The following FGF14 variants were observed in gnomAD, a reference collection of about 807,000 sequenced individuals.
The protein encoded by FGF14 is fibroblast growth factor 14.
A neutral mutation model predicts 25.5 loss-of-function variants in FGF14; 5 were observed. The ratio of observed to expected loss-of-function variants is 0.20; its 90% CI spans 0.10 to 0.41. The LOEUF (loss-of-function observed/expected upper bound fraction) is 0.41. FGF14 is among the 10% of genes least tolerant of loss of function. The pLI is 1.00. For missense variants in FGF14, 222 were observed against 320.1 expected (o/e 0.69, Z 2.34); for synonymous variants, 138 against 118.3 (o/e 1.17, Z -1.08).
intron 1 of FGF14, among the ~76,000 whole-genome samples, chr13:102,001,640 G>C (rs9805531): frequency 0.075 from 11,400 of 152,134 alleles, 1,406 homozygotes; most frequent in African/African-American, 0.26. Flanking sequence ...TACATTATAT[G>C]GTAGTACCTT....
At chr13:102,125,044 T>C (rs1316322632) in intron 1 of FGF14, among the ~76,000 whole-genome samples, 1 of 152,142 alleles carries the variant, frequency 6.6e-6, no homozygotes, top group African/African-American at 2.4e-5. Context: ...AACCATATGG[T>C]TTCACAACAC....
At chr13:102,028,706 G>GT (rs528936275) in intron 1 of FGF14, among the ~76,000 whole-genome samples, 6,965 of 151,730 alleles carry the variant, frequency 0.046, 236 homozygotes, top group Middle Eastern at 0.078. Flanking sequence ...GGGAATATGG[G>GT]GTTTTTTTTG....
intron 1 of FGF14, among the ~76,000 whole-genome samples, chr13:102,029,232 T>C (rs549477777): frequency 5.9e-5 from 9 of 152,222 alleles, no homozygotes; most frequent in African/African-American, 1.4e-4. Context: ...GACGTTCTTA[T>C]GTTTTAAAAG....
intron 1 of FGF14, among the ~76,000 whole-genome samples, chr13:102,312,273 GA>G (rs532257571): frequency 9.6e-5 from 13 of 134,982 alleles, no homozygotes; most frequent in African/African-American, 2.5e-4. Context: ...AATGAAAGCA[GA>G]AAAAAAAAAC....
intron 1 of FGF14, among the ~76,000 whole-genome samples, chr13:101,876,264 G>T (rs911303174): frequency 2.2e-4 from 34 of 152,130 alleles, no homozygotes; most frequent in Admixed American, 6.5e-5. Context: ...CCATCTCAGG[G>T]ATAGATTGGA....
intron 1 of FGF14, among the ~76,000 whole-genome samples, chr13:102,214,670 T>A (rs1249695745): frequency 6.6e-6 from 1 of 152,212 alleles, no homozygotes; most frequent in East Asian, 1.9e-4. Flanking sequence ...TCATTATGTA[T>A]AATTTATATT....
At chr13:101,735,086 GGAGA>G (rs939873057) in intron 3 of FGF14, among the ~76,000 whole-genome samples, 3 of 152,028 alleles carry the variant, frequency 2.0e-5, no homozygotes, top group Non-Finnish European at 4.4e-5. Context: ...TCTCGCTGGA[GGAGA>G]GAGAGAGTGG....
chr13:101,826,466 G>A (rs941808349), intron 3 of FGF14, among the ~76,000 whole-genome samples: 4 of 151,992 alleles, frequency 2.6e-5, no homozygotes, highest in African/African-American at 9.7e-5. Flanking sequence ...AATTGTATTG[G>A]TCAATTAATA....
chr13:102,019,841 G>A (rs576044748), intron 1 of FGF14, among the ~76,000 whole-genome samples: 1 of 152,228 alleles, frequency 6.6e-6, no homozygotes, highest in African/African-American at 2.4e-5. Flanking sequence ...GATGAGAATT[G>A]GACTCGTATT....
intron 1 of FGF14, among the ~76,000 whole-genome samples, chr13:102,021,718 GAT>G (rs1041619925): frequency 6.6e-6 from 1 of 152,018 alleles, no homozygotes; most frequent in African/African-American, 2.4e-5. Context: ...CCACAGATGA[GAT>G]AATTTATACT....
chr13:102,122,003 G>A (rs1031768475), intron 1 of FGF14, among the ~76,000 whole-genome samples: 2 of 152,140 alleles, frequency 1.3e-5, no homozygotes, highest in African/African-American at 4.8e-5. Context: ...AATTGACAAA[G>A]ACAAAATAAG....
rs150060469 is a variant in FGF14 at position 101,889,410 on chromosome 13, A to C, written c.194-14114T>G. Among the ~76,000 whole-genome samples the C allele has an allele frequency of 4.4e-3, 665 of 152,278 alleles. 4 individuals are homozygous for C. The highest frequency in any genetic ancestry group is 7.6e-3 in the Non-Finnish European group (517 of 68,026). ...ATTTGAAGAAAGGAATTTGATATTC[A>C]CTTTCTGTCTCAACATTTAAGTACT... On this transcript the variant is annotated intron_variant, in intron 1 of 4. Coordinates refer to ENST00000376143, the MANE Select transcript of FGF14 (RefSeq NM_004115.4).
At chr13:101,830,704 C>T (rs2042627974) in intron 3 of FGF14, among the ~76,000 whole-genome samples, 1 of 152,044 alleles carries the variant, frequency 6.6e-6, no homozygotes, top group Admixed American at 6.6e-5. Context: ...GTAACATAAG[C>T]TTAGGGGCCT....
chr13:102,372,105 A>G (rs1246045173), intron 1 of FGF14, among the ~76,000 whole-genome samples: 1 of 152,164 alleles, frequency 6.6e-6, no homozygotes, highest in East Asian at 1.9e-4. Context: ...TAACCAATGA[A>G]TCCATTTTAA....
chr13:101,733,327 G>A (rs2035934896), intron 3 of FGF14, among the ~76,000 whole-genome samples: 1 of 152,016 alleles, frequency 6.6e-6, no homozygotes, highest in African/African-American at 2.4e-5. Context: ...GGCAGTGCAC[G>A]GTGGTCACTC....
At chr13:101,958,629 A>C (rs934466819) in intron 1 of FGF14, among the ~76,000 whole-genome samples, 1 of 152,230 alleles carries the variant, frequency 6.6e-6, no homozygotes, top group Non-Finnish European at 1.5e-5. Flanking sequence ...TACATATAGA[A>C]TACTACTATA....
intron 3 of FGF14, among the ~76,000 whole-genome samples, chr13:101,824,869 G>A (rs1450865482): frequency 6.6e-6 from 1 of 152,094 alleles, no homozygotes; most frequent in Non-Finnish European, 1.5e-5. Flanking sequence ...AACTTAAAAG[G>A]ACAAGGTTTG....
At chr13:102,213,482 C>T in intron 1 of FGF14, among the ~76,000 whole-genome samples, 1 of 152,074 alleles carries the variant, frequency 6.6e-6, no homozygotes, top group East Asian at 1.9e-4. Context: ...TTCAGGAGTA[C>T]AGGAATGGAG....
intron 1 of FGF14, among the ~76,000 whole-genome samples, chr13:102,080,778 G>A (rs1463401678): frequency 6.6e-6 from 1 of 152,180 alleles, no homozygotes; most frequent in African/African-American, 2.4e-5. Flanking sequence ...TGTTCTGTGG[G>A]AATAATCTAA....
Sources: gnomAD v4.1 joint callset for allele counts (sites outside exome capture counted in the v4.1 genomes callset) on GRCh38, gnomAD v4.1.1 for gene constraint, MANE v1.5 for transcripts, NCBI Gene and HGNC (gene_info 2026-07-23, HGNC 2026-07-21) for gene names.